The following MDGA2 variants were observed in gnomAD, a reference collection of about 807,000 sequenced individuals.
MDGA2 encodes MAM domain containing glycosylphosphatidylinositol anchor 2.
A neutral mutation model predicts 117.8 loss-of-function variants in MDGA2; 40 were observed. That is an observed-to-expected ratio of 0.34 (90% CI 0.26 to 0.44). The LOEUF is 0.44. Among genes scored for constraint, MDGA2 ranks in the 20% least tolerant of loss-of-function variants. The pLI is 1.00. For missense variants in MDGA2, 1,123 were observed against 1,250.6 expected (o/e 0.90, Z 1.54); for synonymous variants, 452 against 439.0 (o/e 1.03, Z -0.37).
At chr14:47,525,717 ATTGATT>A (rs1360349213) in intron 1 of MDGA2, among the ~76,000 whole-genome samples, 4 of 151,588 alleles carry the variant, frequency 2.6e-5, no homozygotes, top group Non-Finnish European at 5.9e-5. Flanking sequence ...AAAAAGCTTA[ATTGATT>A]TTAAGTTTTT....
chr14:47,534,443 G>T, intron 1 of MDGA2, among the ~76,000 whole-genome samples: 1 of 152,162 alleles, frequency 6.6e-6, no homozygotes, highest in Non-Finnish European at 1.5e-5. Flanking sequence ...TCACAGTTCT[G>T]GATGGCTGAG....
chr14:47,251,955 T>TTGG (rs988729008), intron 2 of MDGA2, among the ~76,000 whole-genome samples: 3 of 151,838 alleles, frequency 2.0e-5, no homozygotes, highest in Non-Finnish European at 2.9e-5. Flanking sequence ...ATTATTATTA[T>TTGG]TGGTGGTGGT....
At chr14:46,972,575 G>C (rs377373038) in intron 8 of MDGA2, among the ~76,000 whole-genome samples, 105 of 152,176 alleles carry the variant, frequency 6.9e-4, no homozygotes, top group African/African-American at 2.4e-3. Context: ...AATTAAATCT[G>C]AGAAGTTACA....
At chr14:46,890,128 C>T (rs1882825496) in intron 10 of MDGA2, among the ~76,000 whole-genome samples, 1 of 152,022 alleles carries the variant, frequency 6.6e-6, no homozygotes. Flanking sequence ...CCCCAGCCAC[C>T]TCCTGCTCAC....
intron 8 of MDGA2, among the ~76,000 whole-genome samples, chr14:46,973,347 T>C (rs1224577525): frequency 6.6e-6 from 1 of 152,162 alleles, no homozygotes; most frequent in Non-Finnish European, 1.5e-5. Context: ...GGTAATTTTT[T>C]TGAGGAAGAC....
intron 2 of MDGA2, among the ~76,000 whole-genome samples, chr14:47,248,582 A>G (rs1483604872): frequency 6.8e-6 from 1 of 146,376 alleles, no homozygotes. Context: ...TAGTAATAAA[A>G]TAAGTCAAAA....
intron 10 of MDGA2, among the ~76,000 whole-genome samples, chr14:46,888,551 A>C (rs1038816761): frequency 1.3e-5 from 2 of 151,916 alleles, no homozygotes; most frequent in Non-Finnish European, 2.9e-5. Flanking sequence ...TATTTTTACC[A>C]CAGAAGATAA....
At chr14:47,473,788 A>G (rs1893778888) in intron 1 of MDGA2, among the ~76,000 whole-genome samples, 1 of 152,068 alleles carries the variant, frequency 6.6e-6, no homozygotes, top group Non-Finnish European at 1.5e-5. Context: ...CATGTTAAAA[A>G]CTCTCAATAA....
chr14:47,468,527 G>A (rs1893650551), intron 1 of MDGA2, among the ~76,000 whole-genome samples: 1 of 152,056 alleles, frequency 6.6e-6, no homozygotes. Flanking sequence ...ATTGTGATGA[G>A]GACTAAGAGT....
At chr14:47,062,174 C>T (rs1433440705) in intron 6 of MDGA2, among the ~76,000 whole-genome samples, 1 of 151,994 alleles carries the variant, frequency 6.6e-6, no homozygotes, top group Non-Finnish European at 1.5e-5. Context: ...AAAGCATGTT[C>T]AAAACATTTA....
intron 8 of MDGA2, among the ~76,000 whole-genome samples, chr14:47,028,364 T>C (rs1888548849): frequency 6.6e-6 from 1 of 152,104 alleles, no homozygotes; most frequent in Non-Finnish European, 1.5e-5. Context: ...AAGAAATAAA[T>C]CCAATTAGAA....
chr14:46,929,628 TATATATATATATATATATACA>T (rs1566530309), intron 9 of MDGA2, among the ~76,000 whole-genome samples: 484 of 32,634 alleles, frequency 0.015, 60 homozygotes, highest in African/African-American at 0.044. Flanking sequence ...TATATATATA[TATATATATATATATATATACA>T]TTTTTTTTTT....
intron 1 of MDGA2, among the ~76,000 whole-genome samples, chr14:47,579,281 T>C (rs1896184054): frequency 6.6e-6 from 1 of 152,092 alleles, no homozygotes; most frequent in Non-Finnish European, 1.5e-5. Context: ...ATATTTATTT[T>C]TGTCCTTAAA....
At chr14:47,329,233 G>A (rs906770599) in intron 1 of MDGA2, among the ~76,000 whole-genome samples, 8 of 151,874 alleles carry the variant, frequency 5.3e-5, no homozygotes, top group East Asian at 1.9e-4. Flanking sequence ...TGCTCAGCCC[G>A]TAGTCTCTAT....
At chr14:46,864,545 G>GTTTTGTTTTT (rs1881653413) in intron 14 of MDGA2, among the ~76,000 whole-genome samples, 1 of 51,472 alleles carries the variant, frequency 1.9e-5, no homozygotes. Context: ...AGATATTGCT[G>GTTTTGTTTTT]TTTTTTTTTT....
chr14:47,356,672 G>A (rs1470389384), intron 1 of MDGA2, among the ~76,000 whole-genome samples: 2 of 152,026 alleles, frequency 1.3e-5, no homozygotes, highest in African/African-American at 4.8e-5. Context: ...CACCCCTAAG[G>A]GCAATGTCAC....
At chr14:47,466,724 T>C (rs1301634819) in intron 1 of MDGA2, among the ~76,000 whole-genome samples, 4 of 152,102 alleles carry the variant, frequency 2.6e-5, no homozygotes, top group Admixed American at 6.6e-5. Context: ...CTGAAATAGA[T>C]GTTTAGAGCA....
intron 1 of MDGA2, among the ~76,000 whole-genome samples, chr14:47,631,320 T>C (rs1897246215): frequency 6.6e-6 from 1 of 152,192 alleles, no homozygotes; most frequent in South Asian, 2.1e-4. Flanking sequence ...ATCCCCTTCC[T>C]CTGGCCTACA....
At chr14:47,302,383 T>C (rs985442296) in intron 1 of MDGA2, among the ~76,000 whole-genome samples, 6 of 152,302 alleles carry the variant, frequency 3.9e-5, no homozygotes, top group South Asian at 2.1e-4. Context: ...TAGCTTCAAA[T>C]TGGAGATCAA....
Sources: allele counts gnomAD v4.1 joint callset (sites outside exome capture counted in the v4.1 genomes callset), GRCh38; gene constraint gnomAD v4.1.1; transcripts MANE v1.5; gene names NCBI Gene and HGNC (gene_info 2026-07-23, HGNC 2026-07-21).